The following C2CD5 variants were observed in gnomAD, a reference collection of about 807,000 sequenced individuals.
C2CD5 encodes C2 calcium dependent domain containing 5, also known as C2 domain-containing protein 5.
In C2CD5, 109 loss-of-function variants were observed where a neutral mutation model predicts 130.3. The observed-to-expected ratio is 0.84, with a 90% CI of 0.72 to 0.98. C2CD5 has a LOEUF of 0.98. Among genes scored for constraint, C2CD5 ranks in the 50% least tolerant of loss-of-function variants. The pLI is 0.00. For synonymous variants in C2CD5, 454 were observed against 429.2 expected (o/e 1.06, Z -0.71); for missense variants, 996 against 1,261.8 (o/e 0.79, Z 3.19).
chr12:22,508,761 T>A (rs1459311425), intron 9 of C2CD5, among the ~76,000 whole-genome samples: 1 of 152,248 alleles, frequency 6.6e-6, no homozygotes, highest in Non-Finnish European at 1.5e-5. Flanking sequence ...TTCAGATTTT[T>A]TTTTCAGTGT....
intron 14 of C2CD5, among the ~76,000 whole-genome samples, chr12:22,482,050 C>T (rs1944805903): frequency 6.6e-6 from 1 of 152,090 alleles, no homozygotes; most frequent in African/African-American, 2.4e-5. Flanking sequence ...TCCATCAAAA[C>T]TAAAGATTAA....
rs16924961 is a variant in C2CD5, at chr12:22,454,060, G to A, written c.2878-18C>T. 3,480 of 1,604,326 alleles carry A rather than the reference G, an allele frequency of 2.2e-3. 61 individuals carry two copies. The East Asian group carries it at 0.045, about 21-fold the overall frequency. ...CCTCCTTCCTAAATAATAGTGCACA[G>A]GAAAATCATACTATATATACATGTG... On this transcript the variant is annotated intron_variant, in intron 25 of 26. Transcript: ENST00000446597.
At position 22,472,065 on chromosome 12, in the gene C2CD5, T is replaced by C. The variant is rs779355428; in HGVS notation, c.2170A>G (p.Met724Val). The change falls in exon 19 of 27, where the codon ATG becomes GTG. Residue 724 changes from methionine (M) to valine (V), a missense_variant and splice_region_variant. Met to Val is a conservative substitution (Grantham distance 21). Coordinates refer to ENST00000446597, the MANE Select transcript of C2CD5 (RefSeq NM_001286176.2). ...GINNWTSEIQ[M>V]FTSVRVIRLS... ...CTGATTACTCTTACTGAAGTGAACA[T>C]CTAAATGTGGGGTGACATAACATGT... 2 of 1,511,952 alleles carry C rather than the reference T, an allele frequency of 1.3e-6. No individual in the cohort carries two copies. The highest frequency in any genetic ancestry group is 1.8e-6 in the Non-Finnish European group (2 of 1,095,546). The allele number at this position is 1,511,952 out of a possible 1,614,324, so 93.7% of individuals were successfully genotyped here.
rs759253598 is a variant in C2CD5 at position 22,469,683 on chromosome 12, T to C, written c.2533+26A>G. On this transcript the variant is annotated intron_variant, in intron 22 of 26. Transcript: ENST00000446597. ...AAGGAACTAGAAACCAGGATTTGTGTTTGCTTTTTCCCTCACTTAACCAAC... is the reference window on the plus strand; with the variant it reads ...AAGGAACTAGAAACCAGGATTTGTGCTTGCTTTTTCCCTCACTTAACCAAC... The C allele has an allele frequency of 8.4e-6, 12 of 1,434,466 alleles. No individual in the cohort carries two copies. In the Admixed American group the frequency reaches 2.3e-4, roughly 28 times the overall value. 88.9% of individuals were successfully genotyped at this position (1,434,466 alleles called of 1,614,324 possible).
Position 22,476,582 on chromosome 12 carries a change from A to G in C2CD5, c.1903-1691T>C, listed in dbSNP as rs555735318. Among the ~76,000 whole-genome samples, 19 of 152,276 alleles carry G rather than the reference A, an allele frequency of 1.2e-4. No individual in the cohort carries two copies. In the South Asian group the frequency reaches 3.9e-3, roughly 32 times the overall value. ...AGTACTGAATGGATGAAGTAACTTA[A>G]TTCATAGTCTTATTTAAACACATCC... On this transcript the variant is annotated intron_variant, in intron 15 of 26. Transcript: ENST00000446597.
At chr12:22,470,133 T>C (rs1278221702) in intron 21 of C2CD5, among the ~76,000 whole-genome samples, 1 of 152,138 alleles carries the variant, frequency 6.6e-6, no homozygotes, top group Non-Finnish European at 1.5e-5. Flanking sequence ...ACCGGTTACA[T>C]GTCTTCTTTG....
chr12:22,525,792 T>C, intron 4 of C2CD5, 87 bp from the exon 5 acceptor site: 1 of 742,050 alleles, frequency 1.3e-6, no homozygotes, highest in Non-Finnish European at 2.4e-6. Flanking sequence ...TAAATAATGA[T>C]TTTAAAATAC....
At chr12:22,476,027 A>C (rs1044428206) in intron 15 of C2CD5, among the ~76,000 whole-genome samples, 1 of 152,156 alleles carries the variant, frequency 6.6e-6, no homozygotes, top group East Asian at 1.9e-4. Flanking sequence ...AGACTTAACA[A>C]ATATAACTGT....
At chr12:22,526,979 C>A (rs1036925276) in intron 4 of C2CD5, among the ~76,000 whole-genome samples, 1 of 152,150 alleles carries the variant, frequency 6.6e-6, no homozygotes, top group Non-Finnish European at 1.5e-5. Flanking sequence ...ATGGCAAAAC[C>A]GTGTCTCTAC....
intron 16 of C2CD5, 95 bp downstream of exon 16, chr12:22,474,656 G>T (rs1943568241): frequency 6.2e-6 from 5 of 803,388 alleles, no homozygotes; most frequent in Non-Finnish European, 9.4e-6. Context: ...TATAACAGTT[G>T]TAATGATATA....
At chr12:22,496,451 T>C in intron 10 of C2CD5, among the ~76,000 whole-genome samples, 1 of 152,010 alleles carries the variant, frequency 6.6e-6, no homozygotes. Flanking sequence ...GGCAACTATG[T>C]ATGTGACACA....
At chr12:22,475,951 A>C (rs1943779613) in intron 15 of C2CD5, among the ~76,000 whole-genome samples, 1 of 152,104 alleles carries the variant, frequency 6.6e-6, no homozygotes, top group Non-Finnish European at 1.5e-5. Context: ...CCCACTAGAT[A>C]CCACACTACT....
At chr12:22,455,999 G>T (rs1222227735) in intron 25 of C2CD5, among the ~76,000 whole-genome samples, 12 of 152,122 alleles carry the variant, frequency 7.9e-5, no homozygotes. Flanking sequence ...TTACCTTAAA[G>T]AAAACATCCA....
chr12:22,530,076 CTATA>C (rs918605281), intron 3 of C2CD5, among the ~76,000 whole-genome samples: 904 of 77,256 alleles, frequency 0.012, 8 homozygotes, highest in African/African-American at 0.03. Context: ...TATTTGAGTG[CTATA>C]TATATATATA....
chr12:22,472,838 G>A (rs758133094), intron 16 of C2CD5, 31 bp from the exon 17 acceptor site: 5 of 1,108,026 alleles, frequency 4.5e-6, no homozygotes, highest in African/African-American at 1.5e-5. Context: ...TATTTTATAA[G>A]TAGTAAATGC....
intron 2 of C2CD5, among the ~76,000 whole-genome samples, chr12:22,541,757 T>C (rs1003492738): frequency 2.0e-5 from 3 of 152,328 alleles, no homozygotes; most frequent in South Asian, 4.1e-4. Context: ...CTCTTTCTAT[T>C]GTTCCCTTTC....
At position 22,453,959 on chromosome 12, in the gene C2CD5, C is replaced by T. The variant is rs1939255156; in HGVS notation, c.2961G>A (p.Gly987=). The T allele has an allele frequency of 1.2e-6, 2 of 1,612,808 alleles. 1 individual carries two copies. Among genetic ancestry groups the T allele is most frequent in the South Asian group, 2.2e-5 (2 of 91,054 alleles). The change falls in exon 26 of 27, where the codon GGG becomes GGA. Residue 987 remains glycine, a synonymous_variant. Transcript: ENST00000446597. The part of the protein sequence containing the change: ...MVRAHVAALG[G]NAVVSYIMKQ... ...TCATTATGTAGGAGACAACAGCATT[C>T]CCTCCTAATGCAGCAACATGAGCTC... is the stretch of plus-strand genomic sequence containing the variant.
chr12:22,528,273 CAAT>C (rs1950905760), intron 3 of C2CD5, among the ~76,000 whole-genome samples: 1 of 152,142 alleles, frequency 6.6e-6, no homozygotes, highest in South Asian at 2.1e-4. Context: ...TAATTGAGCA[CAAT>C]GACACCACAA....
chr12:22,523,728 A>T, intron 6 of C2CD5, 104 bp from the exon 7 acceptor site: 2 of 829,084 alleles, frequency 2.4e-6, no homozygotes, highest in Non-Finnish European at 3.8e-6. Context: ...CAAGAAAATC[A>T]CAGATTTTCA....
Sources: allele counts gnomAD v4.1 joint callset (sites outside exome capture counted in the v4.1 genomes callset), GRCh38; gene constraint gnomAD v4.1.1; transcripts MANE v1.5; gene names NCBI Gene and HGNC (gene_info 2026-07-23, HGNC 2026-07-21).